Variants in AHRR observed in about 807,000 individuals in gnomAD.
The protein encoded by AHRR is ahR repressor.
In AHRR, 28 loss-of-function variants were observed where a neutral mutation model predicts 44.0. That is an observed-to-expected ratio of 0.64 (90% CI 0.47 to 0.87). The LOEUF (loss-of-function observed/expected upper bound fraction) is 0.87, where lower values mean the gene tolerates loss of function less well. Ranked by LOEUF, AHRR falls within the 40% of genes least tolerant of loss-of-function variation. AHRR has a pLI of 0.00. For synonymous variants in AHRR, 434 were observed against 407.0 expected (o/e 1.07, Z -0.80); for missense variants, 990 against 953.9 (o/e 1.04, Z -0.50).
intron 1 of AHRR, among the ~76,000 whole-genome samples, chr5:329,321 C>G (rs906993192): frequency 1.3e-5 from 2 of 152,106 alleles, no homozygotes; most frequent in Non-Finnish European, 2.9e-5. Flanking sequence ...GCCTCTGCCT[C>G]CTGAGTAACT....
chr5:322,801 G>A (rs1741546417), intron 1 of AHRR: 1 of 152,280 alleles, frequency 6.6e-6, no homozygotes, highest in Non-Finnish European at 1.5e-5. Context: ...AACAAGAACT[G>A]GAGAACGTAG....
intron 4 of AHRR, among the ~76,000 whole-genome samples, chr5:397,700 G>GT (rs1734797717): frequency 8.0e-6 from 1 of 124,702 alleles, no homozygotes; most frequent in South Asian, 2.8e-4. Context: ...GACCATCCAC[G>GT]TAGCCCCTGA....
intron 1 of AHRR, among the ~76,000 whole-genome samples, chr5:324,193 G>A (rs1741620302): frequency 6.6e-6 from 1 of 151,358 alleles, no homozygotes; most frequent in Non-Finnish European, 1.5e-5. Context: ...CCAAGTAGCT[G>A]GGACTACAGG....
intron 2 of AHRR, among the ~76,000 whole-genome samples, chr5:345,508 G>A (rs1427248380): frequency 6.4e-5 from 6 of 93,206 alleles, no homozygotes; most frequent in Admixed American, 6.2e-4. Context: ...GTGGGGGGGA[G>A]GGGGTGTGTG....
intron 4 of AHRR, among the ~76,000 whole-genome samples, chr5:397,581 CCT>C (rs1191199585): frequency 3.4e-5 from 2 of 58,124 alleles, no homozygotes; most frequent in African/African-American, 1.7e-4. Context: ...CCTGACCATC[CCT>C]GTTAGCCCCT....
At chr5:364,934 A>G (rs1743306057) in intron 3 of AHRR, among the ~76,000 whole-genome samples, 1 of 152,142 alleles carries the variant, frequency 6.6e-6, no homozygotes, top group African/African-American at 2.4e-5. Flanking sequence ...AATTCATTTC[A>G]TCAAGCAGAT....
At chr5:343,840 G>T in intron 1 of AHRR, 53 bp from the exon 2 acceptor site, 1 of 1,549,620 alleles carries the variant, frequency 6.5e-7, no homozygotes, top group South Asian at 1.2e-5. Context: ...ATCGCGGCGG[G>T]AACAGGGCGC....
intron 4 of AHRR, among the ~76,000 whole-genome samples, chr5:393,597 T>C (rs564040718): frequency 2.6e-4 from 40 of 152,284 alleles, no homozygotes; most frequent in African/African-American, 7.9e-4. Context: ...GTGCTCTTGC[T>C]CTTCTGGGAG....
At chr5:353,348 C>G (rs977547281) in intron 2 of AHRR, among the ~76,000 whole-genome samples, 2 of 152,190 alleles carry the variant, frequency 1.3e-5, no homozygotes, top group Non-Finnish European at 2.9e-5. Context: ...GTGGCATTTT[C>G]TATGCTCACT....
intron 2 of AHRR, among the ~76,000 whole-genome samples, chr5:345,375 T>G: frequency 8.7e-6 from 1 of 114,802 alleles, no homozygotes; most frequent in Admixed American, 8.0e-5. Flanking sequence ...CCTGGCTGTG[T>G]GTGGGGATGT....
rs1476154187 is a variant in AHRR at position 434,709 on chromosome 5, C to T, written c.1969C>T (p.Arg657Trp). 1.2e-5 allele frequency: 19 copies of T among 1,573,552 alleles called. No homozygotes were observed. The highest frequency in any genetic ancestry group is 4.7e-5 in the South Asian group (4 of 85,840). ...RAAEAAPVVK[R>W]EPLDSPQWAT... Reference sequence around the variant, plus strand: ...TGCTGAGGCCGCCCCTGTGGTCAAGCGGGAGCCCTTGGACTCACCCCAGTG... The same window carrying T: ...TGCTGAGGCCGCCCCTGTGGTCAAGTGGGAGCCCTTGGACTCACCCCAGTG... The change falls in exon 11 of 11, where the codon CGG (arginine) becomes TGG (tryptophan). Residue 657 changes from arginine to tryptophan, a missense_variant. Arg to Trp is a moderately radical substitution (Grantham distance 101). Transcript: ENST00000684583.
At chr5:423,750 G>A in intron 6 of AHRR, 91 bp from the exon 7 acceptor site, 1 of 1,474,334 alleles carries the variant, frequency 6.8e-7, no homozygotes, top group South Asian at 1.3e-5. Context: ...TACATGACCT[G>A]GCGCGTGAGA....
At position 326,716 on chromosome 5, in the gene AHRR, A is replaced by C. The variant is rs1741724307; in HGVS notation, c.-11+4897A>C. Among the ~76,000 whole-genome samples, 1 of 152,192 alleles carries C rather than the reference A, an allele frequency of 6.6e-6. No individual in the cohort carries two copies. The highest frequency in any genetic ancestry group is 6.5e-5 in the Admixed American group (1 of 15,270). On this transcript the variant is annotated intron_variant, in intron 1 of 10. Coordinates refer to ENST00000684583, the MANE Select transcript of AHRR (RefSeq NM_001377236.1). The surrounding 1 kb of genome is among the most constrained non-coding windows in gnomAD (Gnocchi z 4.1). ...TTTTCACCAGCAATGCACCAGAAACAGTTCCAATTTCTCCATAGCCCCACT... is the reference window on the plus strand; with the variant it reads ...TTTTCACCAGCAATGCACCAGAAACCGTTCCAATTTCTCCATAGCCCCACT...
chr5:415,342 C>CCGAATCTCCCTGGTCTGCT (rs1560915710), intron 5 of AHRR, among the ~76,000 whole-genome samples: 16 of 123,230 alleles, frequency 1.3e-4, no homozygotes, highest in Non-Finnish European at 2.0e-4. Context: ...CCTGGTGGGG[C>CCGAATCTCCCTGGTCTGCT]GGGAGGCCTA....
intron 2 of AHRR, among the ~76,000 whole-genome samples, chr5:349,536 C>T (rs967995352): frequency 6.7e-6 from 1 of 150,198 alleles, no homozygotes; most frequent in African/African-American, 2.5e-5. Flanking sequence ...GCCAAGATCA[C>T]GCCACTGCAT....
chr5:382,094 T>C (rs1734008367), intron 4 of AHRR, among the ~76,000 whole-genome samples: 1 of 152,210 alleles, frequency 6.6e-6, no homozygotes, highest in South Asian at 2.1e-4. Flanking sequence ...TTTATGCCTA[T>C]GTTCATGAGA....
In AHRR at chr5:435,159, T is replaced by C; in HGVS notation, c.*325T>C. 3.3e-6 allele frequency: 1 copy of C among 298,512 alleles called. No individual in the cohort carries two copies. Among genetic ancestry groups the C allele is most frequent in the Non-Finnish European group, 6.3e-6 (1 of 159,350 alleles). 18.5% of individuals were successfully genotyped at this position (298,512 alleles called of 1,614,324 possible). On this transcript the variant is annotated 3_prime_UTR_variant, in exon 11 of 11. Transcript: ENST00000684583. Reference sequence around the variant, plus strand: ...CCAGAGGCAGCGAGCACCCGTCCCATGGCTGCCAAGTCCACAGTCGGGGAT... The same window carrying C: ...CCAGAGGCAGCGAGCACCCGTCCCACGGCTGCCAAGTCCACAGTCGGGGAT...
At chr5:416,824 C>T (rs1041269256) in intron 5 of AHRR, among the ~76,000 whole-genome samples, 2 of 152,222 alleles carry the variant, frequency 1.3e-5, no homozygotes, top group Admixed American at 6.5e-5. Flanking sequence ...ATGACTTTGT[C>T]AACTTAAACA....
chr5:415,377 GGGAGGC>G (rs1458412651), intron 5 of AHRR, among the ~76,000 whole-genome samples: 2 of 140,954 alleles, frequency 1.4e-5, no homozygotes, highest in African/African-American at 2.7e-5. Context: ...CTGGTCGGGT[GGGAGGC>G]CTAGGGGCCG....
Sources: gnomAD v4.1 joint callset for allele counts (sites outside exome capture counted in the v4.1 genomes callset) on GRCh38, gnomAD v4.1.1 for gene constraint, Gnocchi (gnomAD v3.1) non-coding constraint, MANE v1.5 for transcripts, NCBI Gene and HGNC (gene_info 2026-07-23, HGNC 2026-07-21) for gene names.